BNC1: variants seen among roughly 807,000 people sequenced by gnomAD.
BNC1 encodes the protein zinc finger protein basonuclin-1.
Under a neutral mutation model 66.5 loss-of-function variants are expected in BNC1, and 8 were observed. The ratio of observed to expected loss-of-function variants is 0.12; its 90% CI spans 0.07 to 0.22. The LOEUF is 0.22. BNC1 is among the 10% of genes least tolerant of loss of function. The pLI is 1.00. For missense variants in BNC1, 1,069 were observed against 1,241.3 expected, an observed-to-expected ratio of 0.86 and a Z score of 2.09; for synonymous variants, 454 against 452.6, an observed-to-expected ratio of 1.00 and a Z score of -0.04.
Position 83,263,382 on chromosome 15 carries a change from T to A in BNC1, c.1869A>T (p.Gln623His). 6.2e-7 allele frequency: 1 copy of A among 1,614,140 alleles called. No individual in the cohort carries two copies. Among genetic ancestry groups the A allele is most frequent in the Non-Finnish European group, 8.5e-7 (1 of 1,180,016 alleles). Residue 623 changes from glutamine to histidine, a missense_variant, in exon 4 of 5, where the codon CAA (glutamine) becomes CAT (histidine). This residue lies in a region of BNC1 where 657 missense variants were observed against 715.8 expected (regional missense o/e 0.92). Coordinates refer to ENST00000345382, the MANE Select transcript of BNC1 (RefSeq NM_001717.4). ...AATTGTGTGTGGCCTGCTCAGGGGT[T>A]TGGCTGATGGCTCCACTGGACTCAA... is the stretch of plus-strand genomic sequence containing the variant. Reference protein sequence around the residue: ...SVIESSGAISQTPEQATHNSE... With the variant: ...SVIESSGAISHTPEQATHNSE...
chr15:83,264,927 T>TG (rs2038199807), intron 3 of BNC1, 112 bp from the exon 4 acceptor site: 1 of 1,115,742 alleles, frequency 9.0e-7, no homozygotes, highest in Non-Finnish European at 1.3e-6. Flanking sequence ...AGGAAAAAGA[T>TG]GAATGCAGGG....
In BNC1 at chr15:83,257,589, G is replaced by A. The variant is rs761656867; in HGVS notation, c.2838C>T (p.His946=). Residue 946 remains histidine (H), a synonymous_variant, in exon 5 of 5, where the codon CAC becomes CAT. Transcript: ENST00000345382. ...GCTGCCGGAGGTGCACAGTTTTGTA[G>A]TGGGCCCTAAAGGTCCCTTTGTTAC... ...TYSNKGTFRA[H]YKTVHLRQLH... 6.2e-7 allele frequency: 1 copy of A among 1,614,010 alleles called. No individual in the cohort carries two copies. Among genetic ancestry groups the A allele is most frequent in the Non-Finnish European group, 8.5e-7 (1 of 1,180,028 alleles).
At chr15:83,282,139 T>TTAA (rs2038385859) in intron 1 of BNC1, among the ~76,000 whole-genome samples, 5 of 152,252 alleles carry the variant, frequency 3.3e-5, no homozygotes, top group Admixed American at 2.6e-4. Flanking sequence ...GTACAGATGA[T>TTAA]ATTCAAATTA....
rs560162734 is a variant in BNC1 at position 83,283,787 on chromosome 15, G to T, written c.99+743C>A. ...GGACTCCAGGGTCCGCAGTGAAGCT[G>T]GTCAAATCTGCCCCGCACACGGTCA... On this transcript the variant is annotated intron_variant, in intron 1 of 4. Coordinates refer to ENST00000345382, the MANE Select transcript of BNC1 (RefSeq NM_001717.4). Among the ~76,000 whole-genome samples, 5 of 152,350 alleles carry T rather than the reference G, an allele frequency of 3.3e-5. No homozygotes were observed. In the East Asian group the frequency reaches 9.7e-4, roughly 29 times the overall value.
Position 83,263,938 on chromosome 15 carries a change from T to C in BNC1, c.1313A>G (p.Tyr438Cys). The change falls in exon 4 of 5, where the codon TAC becomes TGC. Residue 438 changes from tyrosine (Y) to cysteine (C), a missense_variant. By Grantham distance (194) the Tyr-to-Cys change is radical (BLOSUM62 -2). Coordinates refer to ENST00000345382, the MANE Select transcript of BNC1 (RefSeq NM_001717.4). ...CGTCACTGTGAAACCTGGGCACTTG[T>C]AGTTCTCAGAGCTGGCCAGGTTCAG... ...NSLNLASSENYKCPGFTVTSP... is the reference protein window; with the variant it reads ...NSLNLASSENCKCPGFTVTSP... 6.2e-7 allele frequency: 1 copy of C among 1,614,220 alleles called. No individual in the cohort carries two copies. The highest frequency in any genetic ancestry group is 8.5e-7 in the Non-Finnish European group (1 of 1,180,042).
intron 1 of BNC1, among the ~76,000 whole-genome samples, chr15:83,282,653 G>C (rs1022761779): frequency 2.0e-5 from 3 of 152,010 alleles, no homozygotes; most frequent in African/African-American, 7.3e-5. Context: ...GCAAACTCAG[G>C]GTCGAAGACT....
chr15:83,283,551 G>A, intron 1 of BNC1: 3 of 975,158 alleles, frequency 3.1e-6, no homozygotes, highest in Non-Finnish European at 3.7e-6. Flanking sequence ...GGGGCCGGGG[G>A]CTTCCCGTCC....
At chr15:83,260,049 C>T (rs1336779647) in intron 4 of BNC1, among the ~76,000 whole-genome samples, 2 of 152,220 alleles carry the variant, frequency 1.3e-5, no homozygotes, top group East Asian at 3.8e-4. Flanking sequence ...GTGGTCTGAG[C>T]ACCCCTAGTG....
chr15:83,271,878 T>G (rs1176073690), intron 1 of BNC1, among the ~76,000 whole-genome samples: 3 of 152,252 alleles, frequency 2.0e-5, no homozygotes, highest in Non-Finnish European at 4.4e-5. Flanking sequence ...AGTATACCTA[T>G]ATACATAATT....
At chr15:83,268,064 G>C in intron 2 of BNC1, 69 bp downstream of exon 2, 1 of 1,302,258 alleles carries the variant, frequency 7.7e-7, no homozygotes, top group Non-Finnish European at 1.1e-6. Context: ...TATTAAATCA[G>C]TTCCTGAATA....
At chr15:83,260,169 G>C (rs909225526) in intron 4 of BNC1, among the ~76,000 whole-genome samples, 1 of 152,078 alleles carries the variant, frequency 6.6e-6, no homozygotes, top group Admixed American at 6.5e-5. Flanking sequence ...GAGTTTTTCA[G>C]AGGCTACGTA....
Position 83,257,700 on chromosome 15 carries a change from A to G in BNC1, c.2727T>C (p.Cys909=), listed in dbSNP as rs770168932. ...LVPGEDEYPI[C]VLMEKADQSL... is the part of the protein sequence containing the mutation. ...TCTGGTCAGCCTTCTCCATCAGGAC[A>G]CAGATGGGGTACTCATCTTCCCCAG... is the stretch of plus-strand genomic sequence containing the variant. Residue 909 remains cysteine, a synonymous_variant, in exon 5 of 5, where the codon TGT becomes TGC. Transcript: ENST00000345382. 6.2e-7 allele frequency: 1 copy of G among 1,614,142 alleles called. No homozygotes were observed.
At chr15:83,259,483 CATAT>C (rs1049522144) in intron 4 of BNC1, among the ~76,000 whole-genome samples, 1 of 152,192 alleles carries the variant, frequency 6.6e-6, no homozygotes, top group African/African-American at 2.4e-5. Flanking sequence ...TTCCCTTACA[CATAT>C]ATTCTGGACA....
rs1257273703 is a variant in BNC1 at position 83,263,332 on chromosome 15, G to C, written c.1919C>G (p.Pro640Arg). ...CTCCCTTGGCACCATGATCAATGCT[G>C]GTGTCTGCTCAGTCTCCCTCTCTGA... ...HNSERETEQT[P>R]ALIMVPREVE... is the part of the protein sequence containing the mutation. Residue 640 changes from proline (P) to arginine (R), a missense_variant, in exon 4 of 5, where the codon CCA becomes CGA. By Grantham distance (103) the Pro-to-Arg change is moderately radical (BLOSUM62 -2). Coordinates refer to ENST00000345382, the MANE Select transcript of BNC1 (RefSeq NM_001717.4). 1.9e-6 allele frequency: 3 copies of C among 1,614,106 alleles called. No individual in the cohort carries two copies. Among genetic ancestry groups the C allele is most frequent in the Admixed American group, 1.7e-5 (1 of 60,008 alleles).
chr15:83,268,314 C>T, intron 1 of BNC1, 82 bp from the exon 2 acceptor site: 2 of 1,255,800 alleles, frequency 1.6e-6, no homozygotes, highest in East Asian at 2.3e-5. Flanking sequence ...AAACATATTC[C>T]TCCATTCGGC....
chr15:83,276,102 CTGGAAACCTA>C (rs1487042016), intron 1 of BNC1, among the ~76,000 whole-genome samples: 1 of 152,112 alleles, frequency 6.6e-6, no homozygotes, highest in African/African-American at 2.4e-5. Flanking sequence ...ATCATGTGGG[CTGGAAACCTA>C]CTCCTGCCTA....
chr15:83,263,869 T>C lies in BNC1; in HGVS notation c.1382A>G (p.Glu461Gly), dbSNP rs1442813964. The change falls in exon 4 of 5, where the codon GAG (glutamate) becomes GGG (glycine). Residue 461 changes from glutamate to glycine, a missense_variant. Glu to Gly is a moderately conservative substitution (Grantham distance 98). Around this residue, in one of 7 missense-constraint regions of BNC1, gnomAD observed 657 missense variants for 715.8 expected, o/e 0.92. Transcript: ENST00000345382. ...RPPPSYPGSG[E>G]DSKGQPAFPN... ...GAAGGCTGGTTGGCCTTTGGAATCC[T>C]CTCCTGAACCAGGGTAGCTGGGAGG... 1 of 1,614,048 alleles carries C rather than the reference T, an allele frequency of 6.2e-7. No individual in the cohort carries two copies. Among genetic ancestry groups the C allele is most frequent in the Non-Finnish European group, 8.5e-7 (1 of 1,180,044 alleles).
intron 1 of BNC1, chr15:83,283,173 GAGATGCCTT>G (rs2038399792): frequency 2.6e-6 from 4 of 1,535,648 alleles, no homozygotes; most frequent in Admixed American, 2.0e-5. Flanking sequence ...CAGCCACAAA[GAGATGCCTT>G]AAATGAGAAG....
intron 1 of BNC1, among the ~76,000 whole-genome samples, chr15:83,282,048 A>G (rs1479726490): frequency 6.6e-6 from 1 of 152,264 alleles, no homozygotes; most frequent in Non-Finnish European, 1.5e-5. Flanking sequence ...CACTGTAGGT[A>G]TCAATGGCCA....
Sources: allele counts gnomAD v4.1 joint callset (sites outside exome capture counted in the v4.1 genomes callset), GRCh38; gene constraint gnomAD v4.1.1; regional missense constraint gnomAD v4.1.1; transcripts MANE v1.5; gene names NCBI Gene and HGNC (gene_info 2026-07-23, HGNC 2026-07-21).